The following KCNH8 variants were observed in gnomAD, a reference collection of about 807,000 sequenced individuals.
The protein encoded by KCNH8 is voltage-gated delayed rectifier potassium channel KCNH8.
KCNH8 carries 70 observed loss-of-function variants against 103.6 expected under a neutral mutation model. That is an observed-to-expected ratio of 0.68 (90% CI 0.56 to 0.82). The LOEUF is 0.82. Among genes scored for constraint, KCNH8 ranks in the 40% least tolerant of loss-of-function variants. KCNH8 has a pLI of 0.00. For synonymous variants in KCNH8, 498 were observed against 489.4 expected (o/e 1.02, Z -0.23); for missense variants, 1,217 against 1,329.9 (o/e 0.92, Z 1.32).
chr3:19,374,365 G>A (rs111674842), intron 5 of KCNH8, among the ~76,000 whole-genome samples: 3 of 151,472 alleles, frequency 2.0e-5, no homozygotes, highest in African/African-American at 7.3e-5. Context: ...ATTATGTAAT[G>A]GCCTTCTTTG....
At chr3:19,439,875 T>TATAA (rs796567919) in intron 8 of KCNH8, among the ~76,000 whole-genome samples, 19 of 149,688 alleles carry the variant, frequency 1.3e-4, no homozygotes, top group Admixed American at 6.0e-4. Context: ...TAATGAGTCA[T>TATAA]AAAGGATAAA....
chr3:19,187,955 C>T lies in KCNH8; in HGVS notation c.76+39160C>T, dbSNP rs577046738. Among the ~76,000 whole-genome samples, 2 of 151,856 alleles carry T rather than the reference C, an allele frequency of 1.3e-5. 1 individual carries two copies. Among genetic ancestry groups the T allele is most frequent in the South Asian group, 4.2e-4 (2 of 4,814 alleles). On this transcript the variant is annotated intron_variant, in intron 1 of 15. Coordinates refer to ENST00000328405, the MANE Select transcript of KCNH8 (RefSeq NM_144633.3). ...ATTACTTATTACTGTGTTTTGTAACCACTATACACGTACCAGCGTCACCAG... is the reference window on the plus strand; with the variant it reads ...ATTACTTATTACTGTGTTTTGTAACTACTATACACGTACCAGCGTCACCAG...
At chr3:19,194,816 G>A (rs569361828) in intron 1 of KCNH8, among the ~76,000 whole-genome samples, 1 of 151,646 alleles carries the variant, frequency 6.6e-6, no homozygotes, top group Non-Finnish European at 1.5e-5. Context: ...GTAATACAGT[G>A]TTTCATTTTA....
chr3:19,525,228 AAG>A (rs1292721176), intron 15 of KCNH8, among the ~76,000 whole-genome samples: 4 of 152,012 alleles, frequency 2.6e-5, no homozygotes, highest in African/African-American at 4.8e-5. Context: ...AAAATAAAAA[AAG>A]AAATTTCAAA....
At chr3:19,464,513 C>T (rs2067696340) in intron 11 of KCNH8, among the ~76,000 whole-genome samples, 1 of 151,422 alleles carries the variant, frequency 6.6e-6, no homozygotes, top group African/African-American at 2.4e-5. Context: ...ACTGTAATAA[C>T]AATAAAGGAA....
intron 11 of KCNH8, among the ~76,000 whole-genome samples, chr3:19,506,688 C>G (rs1273624090): frequency 2.6e-5 from 4 of 152,128 alleles, no homozygotes; most frequent in African/African-American, 9.7e-5. Flanking sequence ...AGCTTGGAGA[C>G]AGCAAGGCCA....
At chr3:19,313,352 A>G (rs568191980) in intron 3 of KCNH8, among the ~76,000 whole-genome samples, 5 of 152,052 alleles carry the variant, frequency 3.3e-5, no homozygotes, top group African/African-American at 1.2e-4. Flanking sequence ...CCCACTAGTT[A>G]GCACTGTGAT....
At chr3:19,225,859 G>A (rs1320843967) in intron 1 of KCNH8, among the ~76,000 whole-genome samples, 1 of 152,208 alleles carries the variant, frequency 6.6e-6, no homozygotes, top group Non-Finnish European at 1.5e-5. Flanking sequence ...ATACTTGTGA[G>A]TGATATTTTC....
At chr3:19,195,031 GA>G (rs967521725) in intron 1 of KCNH8, among the ~76,000 whole-genome samples, 12 of 151,798 alleles carry the variant, frequency 7.9e-5, no homozygotes, top group Non-Finnish European at 1.0e-4. Flanking sequence ...TGAAGTGATA[GA>G]AAAAAATGAT....
chr3:19,451,098 AAATCAGTT>A (rs1420706784), intron 9 of KCNH8, 49 bp from the exon 10 acceptor site: 1 of 1,571,828 alleles, frequency 6.4e-7, no homozygotes, highest in African/African-American at 1.3e-5. Flanking sequence ...CTTGCAAAGT[AAATCAGTT>A]AGACTACACT....
rs568330768 is a variant in KCNH8, at chr3:19,411,778, C to G, written c.1177+16467C>G. ...TTAACCGTAGCCACACACACACAGA[C>G]ACACACACACACACACACAGACTAC... On this transcript the variant is annotated intron_variant, in intron 7 of 15. Transcript: ENST00000328405. 3.4e-5 allele frequency among the ~76,000 whole-genome samples: 5 copies of G among 148,668 alleles called. No homozygotes were observed. In the East Asian group the frequency reaches 7.8e-4, roughly 23 times the overall value.
intron 7 of KCNH8, among the ~76,000 whole-genome samples, chr3:19,412,537 C>G (rs975385443): frequency 6.6e-6 from 1 of 151,816 alleles, no homozygotes; most frequent in African/African-American, 2.4e-5. Context: ...CAAAAATTGA[C>G]AAGTGGGACC....
chr3:19,179,948 G>A (rs2063435084), intron 1 of KCNH8, among the ~76,000 whole-genome samples: 1 of 152,074 alleles, frequency 6.6e-6, no homozygotes, highest in Non-Finnish European at 1.5e-5. Flanking sequence ...AGAAGGGCAG[G>A]TTTTCTGACG....
At chr3:19,374,368 C>G (rs990601239) in intron 5 of KCNH8, among the ~76,000 whole-genome samples, 1 of 151,474 alleles carries the variant, frequency 6.6e-6, no homozygotes. Context: ...ATGTAATGGC[C>G]TTCTTTGTCT....
At chr3:19,293,180 C>T (rs138822989) in intron 3 of KCNH8, among the ~76,000 whole-genome samples, 1 of 152,154 alleles carries the variant, frequency 6.6e-6, no homozygotes, top group Non-Finnish European at 1.5e-5. Flanking sequence ...CCCAATGCCT[C>T]GGTGCTGTGC....
chr3:19,372,047 A>G (rs1559496707), intron 5 of KCNH8, among the ~76,000 whole-genome samples: 1 of 152,186 alleles, frequency 6.6e-6, no homozygotes, highest in African/African-American at 2.4e-5. Context: ...AGATAGTGTG[A>G]TGCCTCCAGG....
intron 2 of KCNH8, among the ~76,000 whole-genome samples, chr3:19,263,162 C>T (rs1419062703): frequency 6.6e-6 from 1 of 151,948 alleles, no homozygotes; most frequent in African/African-American, 2.4e-5. Flanking sequence ...GGGACATTTC[C>T]TCTGAGTGTT....
chr3:19,169,876 T>C (rs1356134492), intron 1 of KCNH8, among the ~76,000 whole-genome samples: 1 of 152,224 alleles, frequency 6.6e-6, no homozygotes. Flanking sequence ...TATCATTTTT[T>C]GTTTTGTTTT....
intron 5 of KCNH8, among the ~76,000 whole-genome samples, chr3:19,374,327 C>T (rs558749121): frequency 3.3e-5 from 5 of 151,676 alleles, no homozygotes; most frequent in African/African-American, 1.2e-4. Flanking sequence ...GGATAGTTAG[C>T]TCTTCTTGTT....
Sources: gnomAD v4.1 joint callset for allele counts (sites outside exome capture counted in the v4.1 genomes callset) on GRCh38, gnomAD v4.1.1 for gene constraint, MANE v1.5 for transcripts, NCBI Gene and HGNC (gene_info 2026-07-23, HGNC 2026-07-21) for gene names.